Variants in RPL22 observed in about 807,000 individuals in gnomAD.
RPL22 encodes large ribosomal subunit protein eL22.
RPL22 carries 4 observed loss-of-function variants against 16.2 expected under a neutral mutation model. The observed-to-expected ratio is 0.25, with a 90% CI of 0.12 to 0.57. The LOEUF is 0.57. Ranked by LOEUF, RPL22 falls within the 20% of genes least tolerant of loss-of-function variation. RPL22 has a pLI of 0.92. For synonymous variants in RPL22, 43 were observed against 54.8 expected (o/e 0.78, Z 0.95); for missense variants, 83 against 156.1 (o/e 0.53, Z 2.49).
chr1:6,191,643 C>T (rs1436332271), intron 3 of RPL22, among the ~76,000 whole-genome samples: 3 of 149,752 alleles, frequency 2.0e-5, no homozygotes, highest in Non-Finnish European at 4.4e-5. Flanking sequence ...CCACTGCACT[C>T]CAGCCTGGGC....
chr1:6,198,502 A>G (rs1667749685), intron 1 of RPL22: 1 of 152,188 alleles, frequency 6.6e-6, no homozygotes. Flanking sequence ...TCTCTCTACA[A>G]ACTTGACACC....
At chr1:6,188,364 T>G (rs1175914830) in intron 3 of RPL22, among the ~76,000 whole-genome samples, 1 of 152,012 alleles carries the variant, frequency 6.6e-6, no homozygotes, top group Admixed American at 6.6e-5. Context: ...AGGCAAAAAC[T>G]GGCTTTTGTG....
intron 2 of RPL22, among the ~76,000 whole-genome samples, chr1:6,197,108 C>T (rs71629778): frequency 6.6e-6 from 1 of 152,232 alleles, no homozygotes; most frequent in Non-Finnish European, 1.5e-5. Flanking sequence ...CTGCTCACTG[C>T]CACCTCCGCC....
At chr1:6,192,901 C>G in intron 3 of RPL22, 29 bp downstream of exon 3, 1 of 1,589,194 alleles carries the variant, frequency 6.3e-7, no homozygotes, top group South Asian at 1.1e-5. Context: ...TGGGTGCACG[C>G]AGGCCACACA....
At chr1:6,191,219 G>A (rs186778305) in intron 3 of RPL22, among the ~76,000 whole-genome samples, 4 of 149,974 alleles carry the variant, frequency 2.7e-5, no homozygotes, top group Non-Finnish European at 4.4e-5. Flanking sequence ...AATTAGCCAC[G>A]AGTGGTGGCA....
intron 2 of RPL22, among the ~76,000 whole-genome samples, chr1:6,195,810 C>G (rs919954837): frequency 2.0e-5 from 3 of 151,994 alleles, no homozygotes. Flanking sequence ...TGCCTGTAAT[C>G]CCAGCACTTT....
chr1:6,189,956 CAG>C (rs1365347212), intron 3 of RPL22, among the ~76,000 whole-genome samples: 3 of 152,114 alleles, frequency 2.0e-5, no homozygotes, highest in African/African-American at 7.2e-5. Context: ...TGTACAAATT[CAG>C]AGACAGAAAA....
chr1:6,197,660 C>T lies in RPL22; in HGVS notation c.109G>A (p.Ala37Thr). The T allele has an allele frequency of 1.2e-6, 2 of 1,609,386 alleles. No individual in the cohort carries two copies. The highest frequency in any genetic ancestry group is 4.5e-5 in the East Asian group (2 of 44,872). ...HPVEDGIMDA[A>T]NFEQFLQERI... ...ATAAGGATGTAACTTACAAAATTGG[C>T]AGCATCCATGATTCCATCTTCTACA... Residue 37 changes from alanine (A) to threonine (T), a missense_variant, in exon 2 of 4, where the codon GCC becomes ACC. Ala to Thr is a moderately conservative substitution (Grantham distance 58, BLOSUM62 0). Coordinates refer to ENST00000234875, the MANE Select transcript of RPL22 (RefSeq NM_000983.4).
At chr1:6,194,999 G>C (rs369579202) in intron 2 of RPL22, among the ~76,000 whole-genome samples, 1 of 151,518 alleles carries the variant, frequency 6.6e-6, no homozygotes, top group Non-Finnish European at 1.5e-5. Context: ...TTAGCCAGGC[G>C]TGGTGGCGGG....
chr1:6,197,522 G>A, intron 2 of RPL22, 130 bp downstream of exon 2: 1 of 633,530 alleles, frequency 1.6e-6, no homozygotes, highest in Non-Finnish European at 2.8e-6. Context: ...ACATTCCCAG[G>A]GTGAGATGAT....
At chr1:6,189,300 G>C (rs776750744) in intron 3 of RPL22, among the ~76,000 whole-genome samples, 2 of 151,974 alleles carry the variant, frequency 1.3e-5, no homozygotes, top group Non-Finnish European at 2.9e-5. Flanking sequence ...GCTAAGCAAA[G>C]ATAAATCAAT....
At chr1:6,199,198 C>G (rs1447589345) in intron 1 of RPL22, 1 of 270,612 alleles carries the variant, frequency 3.7e-6, no homozygotes, top group Non-Finnish European at 6.8e-6. Context: ...CGCGGCTCCC[C>G]AGGGTAGCAG....
At chr1:6,191,424 C>T (rs143062325) in intron 3 of RPL22, among the ~76,000 whole-genome samples, 34,626 of 135,056 alleles carry the variant, frequency 0.26, 7,836 homozygotes, top group African/African-American at 0.63. Flanking sequence ...TCCCAGCACT[C>T]TGGGAGGCCG....
At chr1:6,194,027 G>A (rs976793756) in intron 2 of RPL22, among the ~76,000 whole-genome samples, 12 of 152,138 alleles carry the variant, frequency 7.9e-5, no homozygotes, top group South Asian at 2.1e-4. Context: ...GCAACATGGC[G>A]AAACCCTCTC....
At chr1:6,192,059 T>C (rs1186876987) in intron 3 of RPL22, among the ~76,000 whole-genome samples, 1 of 152,108 alleles carries the variant, frequency 6.6e-6, no homozygotes, top group Non-Finnish European at 1.5e-5. Flanking sequence ...AATTTTTTTT[T>C]TTTTAATTGA....
At chr1:6,192,630 C>T (rs545623094) in intron 3 of RPL22, among the ~76,000 whole-genome samples, 9 of 152,198 alleles carry the variant, frequency 5.9e-5, no homozygotes, top group Non-Finnish European at 1.3e-4. Flanking sequence ...ACCCAGGAGG[C>T]GGAGGCTGCA....
intron 2 of RPL22, among the ~76,000 whole-genome samples, chr1:6,194,797 A>G (rs1410389660): frequency 6.6e-6 from 1 of 152,098 alleles, no homozygotes; most frequent in African/African-American, 2.4e-5. Context: ...CTGAGGTGGG[A>G]GGATCACTTG....
intron 3 of RPL22, among the ~76,000 whole-genome samples, chr1:6,187,816 C>T (rs1240819393): frequency 1.3e-5 from 2 of 152,132 alleles, no homozygotes; most frequent in African/African-American, 2.4e-5. Flanking sequence ...GAGCTGTAAG[C>T]GCTGCGCACA....
chr1:6,197,956 T>A (rs1180084820), intron 1 of RPL22, 200 bp from the exon 2 acceptor site: 2 of 599,702 alleles, frequency 3.3e-6, no homozygotes, highest in Non-Finnish European at 5.9e-6. Context: ...CTGTACAAGC[T>A]TGGGGCCTGG....
Sources: allele counts gnomAD v4.1 joint callset (sites outside exome capture counted in the v4.1 genomes callset), GRCh38; gene constraint gnomAD v4.1.1; transcripts MANE v1.5; gene names NCBI Gene and HGNC (gene_info 2026-07-23, HGNC 2026-07-21).